Variants in AIG1 observed in about 807,000 individuals in gnomAD.
The protein encoded by AIG1 is androgen-induced gene 1 protein.
AIG1 carries 23 observed loss-of-function variants against 31.4 expected under a neutral mutation model. That is an observed-to-expected ratio of 0.73 (90% CI 0.53 to 1.04). AIG1 has a LOEUF of 1.04. AIG1 is among the 50% of genes least tolerant of loss of function. The probability of loss-of-function intolerance (pLI) is 0.00; values close to 1 mark genes in which losing one functional copy is unlikely to be tolerated. For missense variants in AIG1, 274 were observed against 295.0 expected, an observed-to-expected ratio of 0.93 and a Z score of 0.52; for synonymous variants, 100 against 110.5, an observed-to-expected ratio of 0.90 and a Z score of 0.60.
At chr6:143,181,906 T>C (rs894149544) in intron 3 of AIG1, among the ~76,000 whole-genome samples, 2 of 152,188 alleles carry the variant, frequency 1.3e-5, no homozygotes, top group African/African-American at 4.8e-5. Flanking sequence ...GTTAAAAATG[T>C]TCTAGCATAA....
intron 1 of AIG1, among the ~76,000 whole-genome samples, chr6:143,122,026 C>CACTGCTTT (rs1175141435): frequency 3.0e-4 from 45 of 152,228 alleles, no homozygotes; most frequent in Middle Eastern, 6.8e-3. Context: ...TATAAAGCAG[C>CACTGCTTT]ATAAATTATG....
intron 3 of AIG1, among the ~76,000 whole-genome samples, chr6:143,195,808 G>A (rs1790177402): frequency 6.6e-6 from 1 of 150,960 alleles, no homozygotes; most frequent in Non-Finnish European, 1.5e-5. Context: ...TGGCACAGGT[G>A]CTCCCGAGTG....
At position 143,063,188 on chromosome 6, in the gene AIG1, T is replaced by C. The variant is rs532326542; in HGVS notation, c.141+2122T>C. Among the ~76,000 whole-genome samples, 65 of 152,382 alleles carry C rather than the reference T, an allele frequency of 4.3e-4. 1 individual carries two copies. The Middle Eastern group carries it at 0.017, about 40-fold the overall frequency. ...AGAGTCAGCTTGATATGCTGTCATATAATTTATCTTTTAGCATTCAATGAT... is the reference window on the plus strand; with the variant it reads ...AGAGTCAGCTTGATATGCTGTCATACAATTTATCTTTTAGCATTCAATGAT... On this transcript the variant is annotated intron_variant, in intron 1 of 5. Transcript: ENST00000357847.
At chr6:143,134,227 G>A (rs192542710) in intron 1 of AIG1, among the ~76,000 whole-genome samples, 1 of 151,938 alleles carries the variant, frequency 6.6e-6, no homozygotes, top group Non-Finnish European at 1.5e-5. Flanking sequence ...GCCCTGTGCA[G>A]ATAATATTTC....
chr6:143,095,355 T>A (rs549858971), intron 1 of AIG1, among the ~76,000 whole-genome samples: 1 of 152,208 alleles, frequency 6.6e-6, no homozygotes, highest in East Asian at 1.9e-4. Flanking sequence ...AATTGAAAGG[T>A]TAATTGTCTT....
intron 1 of AIG1, among the ~76,000 whole-genome samples, chr6:143,118,872 T>C (rs1303421114): frequency 6.6e-6 from 1 of 151,758 alleles, no homozygotes; most frequent in Non-Finnish European, 1.5e-5. Flanking sequence ...AATTTTCTTT[T>C]TTTTTTTTTT....
At chr6:143,125,883 T>C (rs1782646736) in intron 1 of AIG1, among the ~76,000 whole-genome samples, 1 of 152,230 alleles carries the variant, frequency 6.6e-6, no homozygotes, top group African/African-American at 2.4e-5. Context: ...ATGAATTGCT[T>C]GCCACTGGTG....
intron 4 of AIG1, among the ~76,000 whole-genome samples, chr6:143,308,186 C>T (rs1434570006): frequency 4.6e-5 from 7 of 152,252 alleles, no homozygotes; most frequent in South Asian, 2.1e-4. Flanking sequence ...CGCCCTGCTT[C>T]GGCTCGCGCA....
chr6:143,101,392 A>G (rs573048237), intron 1 of AIG1, among the ~76,000 whole-genome samples: 31 of 152,356 alleles, frequency 2.0e-4, no homozygotes, highest in African/African-American at 6.7e-4. Flanking sequence ...CCACCATTTT[A>G]GAAGAATTTC....
At chr6:143,276,376 A>G (rs1796909372) in intron 3 of AIG1, among the ~76,000 whole-genome samples, 2 of 152,174 alleles carry the variant, frequency 1.3e-5, no homozygotes, top group African/African-American at 4.8e-5. Flanking sequence ...CTCAGTAAGT[A>G]TTGTTCTGTC....
Position 143,065,763 on chromosome 6 carries a change from T to C in AIG1, c.141+4697T>C, listed in dbSNP as rs189387764. Among the ~76,000 whole-genome samples the C allele has an allele frequency of 9.7e-4, 148 of 152,362 alleles. 2 individuals are homozygous for C. Among genetic ancestry groups the C allele is most frequent in the African/African-American group, 3.4e-3 (142 of 41,580 alleles). ...TAAAAATGTATCAACCAGAACATTATTCATATGTATATGGTAGAGTCTAAC... is the reference window on the plus strand; with the variant it reads ...TAAAAATGTATCAACCAGAACATTACTCATATGTATATGGTAGAGTCTAAC... On this transcript the variant is annotated intron_variant, in intron 1 of 5. Coordinates refer to ENST00000357847, the MANE Select transcript of AIG1 (RefSeq NM_016108.4).
At position 143,284,057 on chromosome 6, in the gene AIG1, T is replaced by C. The variant is rs922160175; in HGVS notation, c.400-53T>C. On this transcript the variant is annotated intron_variant, in intron 3 of 5. Coordinates refer to ENST00000357847, the MANE Select transcript of AIG1 (RefSeq NM_016108.4). This position sits in a 1 kb window ranked among gnomAD's most constrained non-coding sequence, Gnocchi z 4.4. Reference sequence around the variant, plus strand: ...ATTCTCCTACTGGTGAAAAAACAACTATAGAGAGACAATGATAGCAATCTG... The same window carrying C: ...ATTCTCCTACTGGTGAAAAAACAACCATAGAGAGACAATGATAGCAATCTG... The C allele has an allele frequency of 2.9e-6, 4 of 1,384,424 alleles. No homozygotes were observed. The African/African-American group carries it at 5.7e-5, about 20-fold the overall frequency. 85.8% of individuals were successfully genotyped at this position (1,384,424 alleles called of 1,614,324 possible).
At chr6:143,146,124 C>A (rs1784681701) in intron 2 of AIG1, among the ~76,000 whole-genome samples, 1 of 152,110 alleles carries the variant, frequency 6.6e-6, no homozygotes, top group Non-Finnish European at 1.5e-5. Context: ...TAAGTAAAAT[C>A]TTCCTTGAAC....
chr6:143,339,408 T>A (rs1777748469), intron 5 of AIG1: 1 of 405,640 alleles, frequency 2.5e-6, no homozygotes, highest in Admixed American at 4.5e-5. Flanking sequence ...AGATGCTGTG[T>A]CCTGATTCTG....
intron 1 of AIG1, among the ~76,000 whole-genome samples, chr6:143,087,846 T>A (rs1265010289): frequency 6.6e-6 from 1 of 152,198 alleles, no homozygotes; most frequent in African/African-American, 2.4e-5. Context: ...TGGGATAGAA[T>A]AGATAGAAAA....
At chr6:143,202,614 T>C (rs931502927) in intron 3 of AIG1, among the ~76,000 whole-genome samples, 2 of 152,224 alleles carry the variant, frequency 1.3e-5, no homozygotes, top group African/African-American at 2.4e-5. Flanking sequence ...AAAGAGATTA[T>C]GTTTTAGCTG....
In AIG1 at chr6:143,268,946, C is replaced by T. The variant is rs1796326976; in HGVS notation, c.400-15164C>T. 6.6e-6 allele frequency among the ~76,000 whole-genome samples: 1 copy of T among 152,220 alleles called. No homozygotes were observed. Among genetic ancestry groups the T allele is most frequent in the African/African-American group, 2.4e-5 (1 of 41,448 alleles). On this transcript the variant is annotated intron_variant, in intron 3 of 5. Transcript: ENST00000357847. This position sits in a 1 kb window ranked among gnomAD's most constrained non-coding sequence, Gnocchi z 5.0. ...TCCTGTGGCAGCCCTCATCCCATAACTGGTCCATGCTGGGGTATAAAGACC... is the reference window on the plus strand; with the variant it reads ...TCCTGTGGCAGCCCTCATCCCATAATTGGTCCATGCTGGGGTATAAAGACC...
At chr6:143,247,876 G>A (rs896686513) in intron 3 of AIG1, among the ~76,000 whole-genome samples, 2 of 152,106 alleles carry the variant, frequency 1.3e-5, no homozygotes, top group African/African-American at 4.8e-5. Context: ...TTTGAATCTG[G>A]GTGGATCTGA....
intron 4 of AIG1, among the ~76,000 whole-genome samples, chr6:143,314,699 G>A (rs907127235): frequency 6.6e-6 from 1 of 152,024 alleles, no homozygotes; most frequent in African/African-American, 2.4e-5. Flanking sequence ...GTTCATGCAT[G>A]GCAATACCCA....
Sources: allele counts gnomAD v4.1 joint callset (sites outside exome capture counted in the v4.1 genomes callset), GRCh38; gene constraint gnomAD v4.1.1; non-coding constraint Gnocchi (gnomAD v3.1); transcripts MANE v1.5; gene names NCBI Gene and HGNC (gene_info 2026-07-23, HGNC 2026-07-21).